MKLN1: variants seen among roughly 807,000 people sequenced by gnomAD.
The protein encoded by MKLN1 is muskelin.
A neutral mutation model predicts 99.0 loss-of-function variants in MKLN1; 18 were observed. The observed-to-expected ratio is 0.18, with a 90% confidence interval of 0.13 to 0.27. The LOEUF is 0.27. Among genes scored for constraint, MKLN1 ranks in the 10% least tolerant of loss-of-function variants. The pLI is 1.00. For missense variants in MKLN1, 621 were observed against 875.9 expected, an observed-to-expected ratio of 0.71 and a Z score of 3.67; for synonymous variants, 288 against 293.2, an observed-to-expected ratio of 0.98 and a Z score of 0.18.
chr7:131,237,183 G>A lies in MKLN1; in HGVS notation c.-179+34209G>A, dbSNP rs6954932. ...TTTATCACACAATGTCCAGATACCT[G>A]TGGATACAAGTGTAGTACAGCTGAG... On this transcript the variant is annotated intron_variant, in intron 3 of 7. Coordinates refer to the MKLN1 transcript ENST00000416992. Among the ~76,000 whole-genome samples the A allele has an allele frequency of 2.0e-3, 302 of 152,266 alleles. 1 individual carries two copies. Among genetic ancestry groups the A allele is most frequent in the African/African-American group, 7.1e-3 (293 of 41,546 alleles).
intron 2 of MKLN1, among the ~76,000 whole-genome samples, chr7:131,195,283 G>A (rs1379028405): frequency 6.6e-6 from 1 of 152,102 alleles, no homozygotes; most frequent in Non-Finnish European, 1.5e-5. Context: ...GACCGAGGCG[G>A]GTGGATCACT....
rs1796558621 is a variant in MKLN1, at chr7:131,192,112, TATATATACGTATATATATAAAA to T, written c.-296-10737_-296-10716del. 3.8e-5 allele frequency among the ~76,000 whole-genome samples: 3 copies of T among 79,674 alleles called. 1 individual carries two copies. The highest frequency in any genetic ancestry group is 1.5e-4 in the African/African-American group (3 of 20,664). 52.3% of individuals were successfully genotyped at this position (79,674 alleles called of 152,430 possible). A position where few individuals can be genotyped will look rare whatever the true frequency, so the allele number is the denominator to read the frequency against. On this transcript the variant is annotated intron_variant, in intron 2 of 7. Coordinates refer to the MKLN1 transcript ENST00000416992. ...TATATATATATGTATATATATATTA[TATATATACGTATATATATAAAA>T]ATATATATACGTATATATACATATA...
chr7:131,209,760 C>G (rs2116428132), intron 3 of MKLN1, among the ~76,000 whole-genome samples: 1 of 152,246 alleles, frequency 6.6e-6, no homozygotes, highest in African/African-American at 2.4e-5. Context: ...ATACTCAATC[C>G]CCTCATCTCC....
At chr7:131,277,506 A>C (rs1454011797) in intron 3 of MKLN1, among the ~76,000 whole-genome samples, 2 of 151,598 alleles carry the variant, frequency 1.3e-5, no homozygotes, top group Non-Finnish European at 2.9e-5. Flanking sequence ...CTGGTCTCAA[A>C]CTCCTGACCT....
chr7:131,137,925 CTTTTTT>C (rs58860730), intron 1 of MKLN1, among the ~76,000 whole-genome samples: 4 of 118,768 alleles, frequency 3.4e-5, no homozygotes, highest in Non-Finnish European at 6.8e-5. Context: ...TCTTTCTTTA[CTTTTTT>C]TTTTTTTTTT....
At chr7:131,147,154 C>A (rs1173225540) in intron 2 of MKLN1, among the ~76,000 whole-genome samples, 1 of 151,618 alleles carries the variant, frequency 6.6e-6, no homozygotes, top group South Asian at 2.1e-4. Flanking sequence ...TGGGTTCAAG[C>A]GATTCTTCTC....
chr7:131,157,559 T>C (rs892707), intron 2 of MKLN1, among the ~76,000 whole-genome samples: 101,952 of 152,096 alleles, frequency 0.67, 34,948 homozygotes, highest in Non-Finnish European at 0.73. Flanking sequence ...CATTTTTTGG[T>C]GGAATAGCTG....
Position 131,271,644 on chromosome 7 carries a change from C to T in MKLN1, c.-179+68670C>T, listed in dbSNP as rs569049639. Among the ~76,000 whole-genome samples, 273 of 151,052 alleles carry T rather than the reference C, an allele frequency of 1.8e-3. 1 individual carries two copies. Among genetic ancestry groups the T allele is most frequent in the Non-Finnish European group, 2.1e-3 (143 of 67,800 alleles). On this transcript the variant is annotated intron_variant, in intron 3 of 7. Coordinates refer to the MKLN1 transcript ENST00000416992. ...AAAAAAAAAAAAAAAAAAATTTGGC[C>T]GGGCATGGTTGCTCACGCCTGTAAT...
intron 3 of MKLN1, among the ~76,000 whole-genome samples, chr7:131,257,083 G>A (rs762114892): frequency 6.6e-6 from 1 of 152,068 alleles, no homozygotes; most frequent in African/African-American, 2.4e-5. Context: ...TTATAACAAT[G>A]TATTGTTGGG....
intron 3 of MKLN1, among the ~76,000 whole-genome samples, chr7:131,229,514 T>G (rs142934531): frequency 6.7e-6 from 1 of 148,168 alleles, no homozygotes; most frequent in East Asian, 2.0e-4. Flanking sequence ...AGAGAATAGA[T>G]GGTCAATGTC....
intron 6 of MKLN1, among the ~76,000 whole-genome samples, chr7:131,400,499 A>G (rs1011226882): frequency 2.2e-5 from 3 of 138,408 alleles, no homozygotes; most frequent in African/African-American, 8.8e-5. Flanking sequence ...AGACTTTAAA[A>G]TGCTACCAAT....
chr7:131,471,649 G>A (rs1174916488), intron 16 of MKLN1: 1 of 152,248 alleles, frequency 6.6e-6, no homozygotes, highest in Non-Finnish European at 1.5e-5. Context: ...AGGCATCCTT[G>A]TTCATCTAGC....
rs144556208 is a variant in MKLN1 at position 131,271,954 on chromosome 7, T to C, written c.-179+68980T>C. Among the ~76,000 whole-genome samples, 264 of 152,228 alleles carry C rather than the reference T, an allele frequency of 1.7e-3. 2 individuals carry two copies. The highest frequency in any genetic ancestry group is 5.6e-3 in the African/African-American group (234 of 41,534). The stretch of plus-strand genomic sequence containing the variant: ...AGATTTGTGCTGTCCTTGCACAGTA[T>C]TACGTTTATGGAACTGGCCCAAACA... On this transcript the variant is annotated intron_variant, in intron 3 of 7. Transcript: ENST00000416992.
intron 12 of MKLN1, among the ~76,000 whole-genome samples, chr7:131,457,420 TAATGAA>T (rs773170358): frequency 6.6e-6 from 1 of 151,776 alleles, no homozygotes; most frequent in Non-Finnish European, 1.5e-5. Context: ...ATGAAAAATA[TAATGAA>T]AATGAAGACT....
At chr7:131,327,848 C>T, upstream of MKLN1, 1 of 1,599,538 alleles carries the variant, frequency 6.3e-7, no homozygotes, top group African/African-American at 1.3e-5. Flanking sequence ...GCCCCCTCCC[C>T]TCCTCCCGTT....
At chr7:131,165,302 C>T (rs1188393672) in intron 2 of MKLN1, among the ~76,000 whole-genome samples, 2 of 152,174 alleles carry the variant, frequency 1.3e-5, no homozygotes, top group African/African-American at 4.8e-5. Flanking sequence ...TTTCCTGCCT[C>T]AGCCTCCTGA....
chr7:131,133,538 G>A (rs898401590), intron 1 of MKLN1, among the ~76,000 whole-genome samples: 2 of 151,194 alleles, frequency 1.3e-5, no homozygotes, highest in East Asian at 3.9e-4. Flanking sequence ...ATTTTTAGTA[G>A]AGATGGGGTT....
At chr7:131,176,057 T>G (rs1418574738) in intron 2 of MKLN1, among the ~76,000 whole-genome samples, 2 of 152,244 alleles carry the variant, frequency 1.3e-5, no homozygotes, top group African/African-American at 4.8e-5. Context: ...TCAGTTCATT[T>G]CTGCCTTCCC....
chr7:131,134,207 C>T (rs142000387), intron 1 of MKLN1, among the ~76,000 whole-genome samples: 1 of 152,046 alleles, frequency 6.6e-6, no homozygotes, highest in Non-Finnish European at 1.5e-5. Context: ...CTGGTCTGAC[C>T]CCAGAGAAAG....
Sources: allele counts gnomAD v4.1 joint callset (sites outside exome capture counted in the v4.1 genomes callset), GRCh38; gene constraint gnomAD v4.1.1; transcripts MANE v1.5; gene names NCBI Gene and HGNC (gene_info 2026-07-23, HGNC 2026-07-21).